PCDHA12: variants seen among roughly 807,000 people sequenced by gnomAD.
PCDHA12 encodes the protein protocadherin alpha 12.
A neutral mutation model predicts 60.0 loss-of-function variants in PCDHA12; 44 were observed. The observed-to-expected ratio is 0.73, with a 90% CI of 0.58 to 0.94. PCDHA12 has a LOEUF of 0.94. Among genes scored for constraint, PCDHA12 ranks in the 40% least tolerant of loss-of-function variants. PCDHA12 has a pLI of 0.00. For missense variants in PCDHA12, 1,276 were observed against 1,239.7 expected (o/e 1.03, Z -0.44); for synonymous variants, 569 against 553.0 (o/e 1.03, Z -0.40).
chr5:140,951,659 C>A (rs1293655737), intron 1 of PCDHA12, among the ~76,000 whole-genome samples: 1 of 152,164 alleles, frequency 6.6e-6, no homozygotes, highest in Non-Finnish European at 1.5e-5. Context: ...CCCACCAGGG[C>A]CTGCCTACAA....
intron 1 of PCDHA12, among the ~76,000 whole-genome samples, chr5:140,946,634 A>ATAT (rs1554217761): frequency 1.4e-5 from 2 of 147,350 alleles, no homozygotes; most frequent in Non-Finnish European, 3.0e-5. Context: ...ATATATATAC[A>ATAT]ATGGAATACT....
chr5:140,875,973 T>C lies in PCDHA12; in HGVS notation c.501T>C (p.Leu167=), dbSNP rs782725100. The change falls in exon 1 of 4, where the codon CTT becomes CTC. Residue 167 remains leucine (L), a synonymous_variant. Transcript: ENST00000398631. ...ATGCGGATATCGGCGTAAACTCTCTTTTGACCTATGCGTTAAGTCTAAATG... is the reference window on the plus strand; with the variant it reads ...ATGCGGATATCGGCGTAAACTCTCTCTTGACCTATGCGTTAAGTCTAAATG... ...ASDADIGVNS[L]LTYALSLNEN... 6.2e-7 allele frequency: 1 copy of C among 1,614,042 alleles called. No individual in the cohort carries two copies. Among genetic ancestry groups the C allele is most frequent in the Non-Finnish European group, 8.5e-7 (1 of 1,179,928 alleles).
intron 1 of PCDHA12, among the ~76,000 whole-genome samples, chr5:140,934,631 G>A (rs2089960013): frequency 6.6e-6 from 1 of 151,984 alleles, no homozygotes; most frequent in African/African-American, 2.4e-5. Flanking sequence ...GTTCACACAG[G>A]AAAGGCAGGA....
At position 140,882,346 on chromosome 5, in the gene PCDHA12, G is replaced by C. The variant is rs146510190; in HGVS notation, c.2367+4507G>C. 1,878 of 1,614,194 alleles carry C rather than the reference G, an allele frequency of 1.2e-3. 37 individuals are homozygous for C. In the South Asian group the frequency reaches 0.019, roughly 17 times the overall value. On this transcript the variant is annotated intron_variant, in intron 1 of 3. Transcript: ENST00000398631. ...TTCTGATCCTCGCAGCCTGGGAGAC[G>C]GGTAGTGGCCAGCTCCACTACTCCG...
intron 1 of PCDHA12, chr5:140,928,585 G>C: frequency 2.5e-6 from 4 of 1,614,194 alleles, no homozygotes; most frequent in Non-Finnish European, 3.4e-6. Flanking sequence ...AAATGGTTCT[G>C]TCCCAGTGGA....
At chr5:141,008,684 G>C (rs1426948038) in intron 3 of PCDHA12, among the ~76,000 whole-genome samples, 1 of 152,118 alleles carries the variant, frequency 6.6e-6, no homozygotes, top group Admixed American at 6.5e-5. Context: ...TTTAGTTATT[G>C]CATGTATTAA....
chr5:140,946,936 A>T (rs1344601116), intron 1 of PCDHA12, among the ~76,000 whole-genome samples: 1 of 151,482 alleles, frequency 6.6e-6, no homozygotes, highest in Non-Finnish European at 1.5e-5. Context: ...AGTAGAGTGT[A>T]GTTAAGAATA....
In PCDHA12 at chr5:140,876,038, G is replaced by A. The variant is rs2153335869; in HGVS notation, c.566G>A (p.Ser189Asn). Residue 189 changes from serine (S) to asparagine (N), a missense_variant, in exon 1 of 4, where the codon AGT becomes AAT. Transcript: ENST00000398631. Reference sequence around the variant, plus strand: ...AAAATAAAAACAAAAAAAGATAAAAGTATATTGCCTGAATTAGTTCTTCGG... The same window carrying A: ...AAAATAAAAACAAAAAAAGATAAAAATATATTGCCTGAATTAGTTCTTCGG... ...ELKIKTKKDK[S>N]ILPELVLRKL... 6.2e-7 allele frequency: 1 copy of A among 1,613,822 alleles called. No homozygotes were observed. Among genetic ancestry groups the A allele is most frequent in the East Asian group, 2.2e-5 (1 of 44,880 alleles).
intron 3 of PCDHA12, among the ~76,000 whole-genome samples, chr5:140,991,929 C>T (rs1250639930): frequency 1.3e-5 from 2 of 152,088 alleles, no homozygotes; most frequent in South Asian, 2.1e-4. Flanking sequence ...ATAACATATT[C>T]ACAAGTTCTA....
At chr5:140,963,701 AG>A (rs1226096855) in intron 1 of PCDHA12, among the ~76,000 whole-genome samples, 2 of 152,218 alleles carry the variant, frequency 1.3e-5, no homozygotes, top group Non-Finnish European at 1.5e-5. Flanking sequence ...TGATATCTAA[AG>A]GGCCATGCTA....
intron 1 of PCDHA12, among the ~76,000 whole-genome samples, chr5:140,898,020 AC>A (rs1483113036): frequency 6.6e-6 from 1 of 152,078 alleles, no homozygotes; most frequent in Non-Finnish European, 1.5e-5. Flanking sequence ...TCCTTTGCCC[AC>A]TTTTTGATGG....
intron 1 of PCDHA12, among the ~76,000 whole-genome samples, chr5:140,957,164 T>C (rs2095337835): frequency 6.6e-6 from 1 of 152,148 alleles, no homozygotes; most frequent in Non-Finnish European, 1.5e-5. Flanking sequence ...CAAATCTAAG[T>C]ATATAAATTG....
intron 1 of PCDHA12, among the ~76,000 whole-genome samples, chr5:140,897,478 G>T (rs1554187409): frequency 1.3e-5 from 2 of 151,844 alleles, no homozygotes; most frequent in African/African-American, 4.8e-5. Flanking sequence ...TGAGAATGAT[G>T]ATTTCCAATT....
chr5:140,929,163 G>T lies in PCDHA12; in HGVS notation c.2368-49786G>T, dbSNP rs142058597. On this transcript the variant is annotated intron_variant, in intron 1 of 3. Coordinates refer to ENST00000398631, the MANE Select transcript of PCDHA12 (RefSeq NM_018903.4). ...GACTTTCTCAGACTTATCTCTATCG[G>T]GCCTCTCTGGGACTTGGTTCTGATA... 2.4e-4 allele frequency: 385 copies of T among 1,614,058 alleles called. 2 individuals carry two copies. In the African/African-American group the frequency reaches 4.5e-3, roughly 19 times the overall value.
rs782014250 is a variant in PCDHA12, at chr5:140,883,952, G to T, written c.2367+6113G>T. On this transcript the variant is annotated intron_variant, in intron 1 of 3. Transcript: ENST00000398631. The stretch of plus-strand genomic sequence containing the variant: ...GTTCGTGCTGGACGAGAACGACAAC[G>T]CTCCGGCGCTGCTGACGCCCGGGGC... 2.0e-5 allele frequency: 32 copies of T among 1,613,030 alleles called. No individual in the cohort carries two copies. The highest frequency in any genetic ancestry group is 2.6e-5 in the Non-Finnish European group (31 of 1,179,806).
At chr5:140,929,592 C>A in intron 1 of PCDHA12, 1 of 424,552 alleles carries the variant, frequency 2.4e-6, no homozygotes, top group Non-Finnish European at 4.2e-6. Flanking sequence ...ACATAAAGGT[C>A]TAAAATTAAA....
intron 1 of PCDHA12, among the ~76,000 whole-genome samples, chr5:140,961,560 AT>A (rs1223583703): frequency 1.4e-4 from 22 of 152,140 alleles, no homozygotes; most frequent in African/African-American, 4.6e-4. Flanking sequence ...CTTTTTTTAA[AT>A]TTTGTTTTGA....
At chr5:140,883,760 C>A in intron 1 of PCDHA12, 1 of 1,612,790 alleles carries the variant, frequency 6.2e-7, no homozygotes, top group Non-Finnish European at 8.5e-7. Flanking sequence ...GGTGGAGCGG[C>A]GGGTGGGCGA....
intron 1 of PCDHA12, chr5:140,927,510 G>A: frequency 1.9e-6 from 3 of 1,614,090 alleles, no homozygotes; most frequent in Non-Finnish European, 2.5e-6. Flanking sequence ...TTACAGCTCG[G>A]GACGGCGGGC....
Sources: gnomAD v4.1 joint callset for allele counts (sites outside exome capture counted in the v4.1 genomes callset) on GRCh38, gnomAD v4.1.1 for gene constraint, MANE v1.5 for transcripts, NCBI Gene and HGNC (gene_info 2026-07-23, HGNC 2026-07-21) for gene names.